The following STRBP variants were observed in gnomAD, a reference collection of about 807,000 sequenced individuals.
STRBP encodes spermatid perinuclear RNA binding protein.
STRBP carries 13 observed loss-of-function variants against 80.1 expected under a neutral mutation model. The observed-to-expected ratio is 0.16, with a 90% CI of 0.11 to 0.26. STRBP has a LOEUF of 0.26. STRBP is among the 10% of genes least tolerant of loss of function. The probability of loss-of-function intolerance (pLI) is 1.00; values close to 1 mark genes in which losing one functional copy is unlikely to be tolerated. For missense variants in STRBP, 485 were observed against 815.2 expected (o/e 0.59, Z 4.93); for synonymous variants, 284 against 291.2 (o/e 0.98, Z 0.25).
At chr9:123,160,337 A>G (rs1296489182) in intron 8 of STRBP, 30 bp downstream of exon 8, 2 of 1,479,404 alleles carry the variant, frequency 1.4e-6, no homozygotes, top group Non-Finnish European at 1.8e-6. Flanking sequence ...CAGCTTCCAA[A>G]TTTGCTTTTA....
At chr9:123,114,990 G>A (rs1032173253) in intron 3 of STRBP, 7 of 358,250 alleles carry the variant, frequency 2.0e-5, no homozygotes, top group Admixed American at 3.9e-5. Flanking sequence ...TTGCTCATCA[G>A]CCTTGCCTCC....
At chr9:123,195,204 AT>A (rs2039051410) in intron 2 of STRBP, among the ~76,000 whole-genome samples, 1 of 152,188 alleles carries the variant, frequency 6.6e-6, no homozygotes, top group Admixed American at 6.5e-5. Flanking sequence ...CAACTACTTC[AT>A]CCCTTTAATT....
intron 11 of STRBP, among the ~76,000 whole-genome samples, chr9:123,150,974 A>G (rs546987886): frequency 7.4e-4 from 112 of 152,272 alleles, no homozygotes; most frequent in African/African-American, 2.5e-3. Flanking sequence ...AACAAATATA[A>G]ATCCTCCCTG....
At chr9:123,141,034 G>A (rs1287027121) in intron 13 of STRBP, among the ~76,000 whole-genome samples, 2 of 152,068 alleles carry the variant, frequency 1.3e-5, no homozygotes, top group African/African-American at 4.8e-5. Context: ...CCTTGCATTC[G>A]TTTCCATTTT....
chr9:123,202,664 T>C (rs2039368288), intron 2 of STRBP, among the ~76,000 whole-genome samples: 1 of 152,164 alleles, frequency 6.6e-6, no homozygotes, highest in Non-Finnish European at 1.5e-5. Context: ...TTAACAAAAA[T>C]TTACTGTACA....
chr9:123,142,170 G>A (rs2036615980), intron 13 of STRBP, among the ~76,000 whole-genome samples: 1 of 152,212 alleles, frequency 6.6e-6, no homozygotes, highest in Non-Finnish European at 1.5e-5. Context: ...AGTGTTGGAG[G>A]TGGGGCCTGG....
intron 2 of STRBP, among the ~76,000 whole-genome samples, chr9:123,219,394 T>C (rs1053726459): frequency 2.0e-5 from 3 of 152,178 alleles, no homozygotes; most frequent in Admixed American, 1.3e-4. Flanking sequence ...CTCTGACATA[T>C]CCAGCCAATT....
rs1231558406 is a variant in STRBP at position 123,110,676 on chromosome 9, C to G, written c.*85-923G>C. ...CTGGTATGCTGGAAAGGACGTCCAC[C>G]TGGAGGCTGGAGACAGCTCCTCAGA... On this transcript the variant is annotated intron_variant and NMD_transcript_variant, in intron 3 of 3. Transcript: ENST00000471564. This position sits in a 1 kb window ranked among gnomAD's most constrained non-coding sequence, Gnocchi z 4.1. 5.9e-6 allele frequency: 1 copy of G among 169,372 alleles called. No homozygotes were observed. Among genetic ancestry groups the G allele is most frequent in the Non-Finnish European group, 1.5e-5 (1 of 68,238 alleles). 10.5% of individuals were successfully genotyped at this position (169,372 alleles called of 1,614,324 possible).
chr9:123,188,965 G>GA (rs1253486080), intron 2 of STRBP, among the ~76,000 whole-genome samples: 1 of 152,002 alleles, frequency 6.6e-6, no homozygotes, highest in African/African-American at 2.4e-5. Context: ...ATATGGGCAA[G>GA]AAAAAATTAG....
intron 2 of STRBP, among the ~76,000 whole-genome samples, chr9:123,226,532 T>C (rs954899568): frequency 2.6e-5 from 4 of 152,082 alleles, no homozygotes; most frequent in Admixed American, 1.3e-4. Flanking sequence ...AAAGAGAAGA[T>C]TGGGAAAGAT....
intron 17 of STRBP, among the ~76,000 whole-genome samples, chr9:123,131,166 C>A (rs765693362): frequency 3.5e-4 from 53 of 152,266 alleles, no homozygotes; most frequent in Non-Finnish European, 6.5e-4. Context: ...AAACTATATG[C>A]CTTCTAACTG....
chr9:123,220,007 A>C (rs927357501), intron 2 of STRBP, among the ~76,000 whole-genome samples: 1 of 152,234 alleles, frequency 6.6e-6, no homozygotes, highest in African/African-American at 2.4e-5. Flanking sequence ...ATAAACAAAA[A>C]CAGAGTATGC....
At chr9:123,240,300 T>C (rs1348533155) in intron 1 of STRBP, among the ~76,000 whole-genome samples, 1 of 151,826 alleles carries the variant, frequency 6.6e-6, no homozygotes, top group Non-Finnish European at 1.5e-5. Flanking sequence ...GAAACCATTA[T>C]ATTATTATGT....
At chr9:123,256,239 G>C (rs1270258040) in intron 1 of STRBP, among the ~76,000 whole-genome samples, 3 of 151,726 alleles carry the variant, frequency 2.0e-5, no homozygotes, top group Non-Finnish European at 2.9e-5. Flanking sequence ...GGTTGGTCTC[G>C]AACTCCTGAG....
intron 1 of STRBP, among the ~76,000 whole-genome samples, chr9:123,265,229 A>T (rs973494818): frequency 6.6e-6 from 1 of 151,980 alleles, no homozygotes; most frequent in African/African-American, 2.4e-5. Context: ...GATTCCGATT[A>T]CTTAAAATTT....
intron 1 of STRBP, among the ~76,000 whole-genome samples, chr9:123,239,883 C>A (rs2040656909): frequency 6.6e-6 from 1 of 152,196 alleles, no homozygotes; most frequent in Admixed American, 6.5e-5. Flanking sequence ...ACAGTCTTAT[C>A]TTCACAGCAG....
intron 4 of STRBP, among the ~76,000 whole-genome samples, chr9:123,178,503 A>G (rs533397253): frequency 6.6e-6 from 1 of 152,292 alleles, no homozygotes; most frequent in South Asian, 2.1e-4. Flanking sequence ...ATCCACAAAT[A>G]TACAAAGAGC....
Position 123,159,166 on chromosome 9 carries a change from A to C in STRBP, c.765T>G (p.Asn255Lys). ...LICEKSIGTC[N>K]RPLGAGEALR... ...AGGCCTCCCCAGCGCCCAAAGGTCTATTACAAGTACCTATAGACTTTTCAC... is the reference window on the plus strand; with the variant it reads ...AGGCCTCCCCAGCGCCCAAAGGTCTCTTACAAGTACCTATAGACTTTTCAC... The change falls in exon 9 of 19, where the codon AAT becomes AAG. Residue 255 changes from asparagine (N) to lysine (K), a missense_variant. Around this residue, in one of 3 missense-constraint regions of STRBP, gnomAD observed 377 missense variants for 616.1 expected, o/e 0.61. Coordinates refer to ENST00000348403, the MANE Select transcript of STRBP (RefSeq NM_018387.5). The C allele has an allele frequency of 6.2e-7, 1 of 1,613,688 alleles. No homozygotes were observed.
chr9:123,159,358 T>C, intron 8 of STRBP, 151 bp from the exon 9 acceptor site: 1 of 521,506 alleles, frequency 1.9e-6, no homozygotes, highest in Non-Finnish European at 3.3e-6. Context: ...CCCATGATTA[T>C]CAACCTTTAC....
Sources: gnomAD v4.1 joint callset for allele counts (sites outside exome capture counted in the v4.1 genomes callset) on GRCh38, gnomAD v4.1.1 for gene constraint, gnomAD v4.1.1 regional missense constraint, Gnocchi (gnomAD v3.1) non-coding constraint, MANE v1.5 for transcripts, NCBI Gene and HGNC (gene_info 2026-07-23, HGNC 2026-07-21) for gene names.